The following BICDL2 variants were observed in gnomAD, a reference collection of about 807,000 sequenced individuals.
BICDL2 encodes BICD family like cargo adaptor 2, also known as BICD family-like cargo adapter 2.
In BICDL2, 62 loss-of-function variants were observed where a neutral mutation model predicts 56.6. That is an observed-to-expected ratio of 1.10 (90% CI 0.89 to 1.35). The LOEUF is 1.35. Ranked by LOEUF, BICDL2 falls within the 40% of genes most tolerant of loss-of-function variation. The pLI, the probability that BICDL2 is intolerant of heterozygous loss-of-function variation, is 0.00. For missense variants in BICDL2, 808 were observed against 684.5 expected, an observed-to-expected ratio of 1.18 and a Z score of -2.01; for synonymous variants, 358 against 319.8, an observed-to-expected ratio of 1.12 and a Z score of -1.27.
rs1430804394 is a variant in BICDL2 at position 3,029,714 on chromosome 16, C to G, written c.788G>C (p.Gly263Ala). The change falls in exon 6 of 10, where the codon GGG becomes GCG. Residue 263 changes from glycine to alanine, a missense_variant. Physicochemically the swap from Gly to Ala is moderately conservative, Grantham distance 60. Coordinates refer to ENST00000572449, the MANE Select transcript of BICDL2 (RefSeq NM_001369667.1). ...LELERARSEA[G>A]EALSALRRLQ... ...CCTCCGCAGCGCACTCAGCGCCTCC[C>G]CAGCCTCTGACCGTGCGCGTTCCAG... The G allele has an allele frequency of 2.6e-6, 4 of 1,540,232 alleles. No individual in the cohort carries two copies. The highest frequency in any genetic ancestry group is 4.9e-5 in the East Asian group (2 of 41,202).
In BICDL2 at chr16:3,034,637, CT is replaced by C. The variant is rs1209921131; in HGVS notation, c.282+577del. 2.8e-5 allele frequency among the ~76,000 whole-genome samples: 4 copies of C among 145,420 alleles called. No individual in the cohort carries two copies. In the South Asian group the frequency reaches 6.6e-4, roughly 24 times the overall value. On this transcript the variant is annotated intron_variant, in intron 2 of 9. Transcript: ENST00000572449. ...GCCTTTTTTCCTTTCCTTTCCTTTCCTTTTTTTCTTTTCTTTCTCTCTCCTT... is the reference window on the plus strand; with the variant it reads ...GCCTTTTTTCCTTTCCTTTCCTTTCCTTTTTTCTTTTCTTTCTCTCTCCTT...
rs759272475 is a variant in BICDL2, at chr16:3,030,926, C to T, written c.498+9G>A. On this transcript the variant is annotated intron_variant, in intron 3 of 9. Coordinates refer to ENST00000572449, the MANE Select transcript of BICDL2 (RefSeq NM_001369667.1). The stretch of plus-strand genomic sequence containing the variant: ...CTTGTCCAGGGCCCTGGGGTCAGGG[C>T]CATCCCACCTGAGCCAGCTGCTGGC... 2.1e-5 allele frequency: 32 copies of T among 1,545,860 alleles called. No homozygotes were observed. The South Asian group carries it at 3.7e-4, about 18-fold the overall frequency.
At chr16:3,035,193 A>ACCCCCCCCCCCCCCCCCCCCCCCCC in intron 2 of BICDL2, 22 bp downstream of exon 2, 1 of 69,910 alleles carries the variant, frequency 1.4e-5, no homozygotes, top group Non-Finnish European at 2.4e-5. Flanking sequence ...CCACCCACCC[A>ACCCCCCCCCCCCCCCCCCCCCCCCC]CCCCGTCCAG....
At chr16:3,028,974 C>T (rs553583417) in intron 7 of BICDL2, 144 bp from the exon 8 acceptor site, 4 of 1,137,534 alleles carry the variant, frequency 3.5e-6, no homozygotes, top group Admixed American at 2.6e-5. Context: ...CTGGAGACTC[C>T]GATATGAGCC....
Position 3,035,457 on chromosome 16 carries a change from G to A in BICDL2, c.40C>T (p.Leu14Phe), listed in dbSNP as rs200256902. 379 of 1,611,966 alleles carry A rather than the reference G, an allele frequency of 2.4e-4. 5 individuals are homozygous for A. The African/African-American group carries it at 4.2e-3, about 18-fold the overall frequency. ...PDGPSFPSGP[L>F]SGGASPSGDE... is the part of the protein sequence containing the mutation. ...CCGCTGGGAGAGGCGCCCCCTGAGA[G>A]CGGCCCGGACGGGAAGCTGGGCCCA... is the stretch of plus-strand genomic sequence containing the variant. The change falls in exon 2 of 10, where the codon CTC becomes TTC. Residue 14 changes from leucine to phenylalanine, a missense_variant. Coordinates refer to ENST00000572449, the MANE Select transcript of BICDL2 (RefSeq NM_001369667.1).
Position 3,027,704 on chromosome 16 carries a change from ATTT to A in BICDL2, c.*399_*401del. The A allele has an allele frequency of 2.2e-6, 3 of 1,384,310 alleles. No individual in the cohort carries two copies. The highest frequency in any genetic ancestry group is 2.8e-6 in the Non-Finnish European group (3 of 1,062,948). The allele number at this position is 1,384,310 out of a possible 1,614,324, so 85.8% of individuals were successfully genotyped here. ...AGCTCAGGGTTTTAGAGTGTTTTTC[ATTT>A]TCTTTTTTTTTTTTTTTTTACAATA... is the stretch of plus-strand genomic sequence containing the variant. On this transcript the variant is annotated 3_prime_UTR_variant, in exon 10 of 10. Transcript: ENST00000572449.
At position 3,035,544 on chromosome 16, in the gene BICDL2, C is replaced by G; in HGVS notation, c.-30-18G>C. On this transcript the variant is annotated intron_variant, in intron 1 of 9. Coordinates refer to ENST00000572449, the MANE Select transcript of BICDL2 (RefSeq NM_001369667.1). ...ACAGGTGGCTGCGGGACACTCTACT[C>G]TGCAGCCTGACAGGGGCTCACCCTC... The G allele has an allele frequency of 6.4e-7, 1 of 1,555,082 alleles. No individual in the cohort carries two copies. Among genetic ancestry groups the G allele is most frequent in the Non-Finnish European group, 8.7e-7 (1 of 1,153,500 alleles).
At position 3,028,415 on chromosome 16, in the gene BICDL2, A is replaced by T. The variant is rs757560316; in HGVS notation, c.1292T>A (p.Leu431Gln). 1 of 1,558,054 alleles carries T rather than the reference A, an allele frequency of 6.4e-7. No individual in the cohort carries two copies. The highest frequency in any genetic ancestry group is 1.9e-5 in the Admixed American group (1 of 53,076). Residue 431 changes from leucine (L) to glutamine (Q), a missense_variant, in exon 9 of 10, where the codon CTG becomes CAG. Transcript: ENST00000572449. ...LNRVSLERDS[L>Q]SRELLRAIRQ... is the part of the protein sequence containing the mutation. Reference sequence around the variant, plus strand: ...GATGGCGCGCAGCAGCTCCCGAGACAGGGAGTCTCGCTCCAGCGAGACGCG... The same window carrying T: ...GATGGCGCGCAGCAGCTCCCGAGACTGGGAGTCTCGCTCCAGCGAGACGCG...
At chr16:3,036,390 G>T in intron 1 of BICDL2, 1 of 452,550 alleles carries the variant, frequency 2.2e-6, no homozygotes, top group Non-Finnish European at 4.4e-6. Context: ...TGGGGTTCAG[G>T]GGCTCGGGTC....
Position 3,030,818 on chromosome 16 carries a change from G to C in BICDL2, c.499-6C>G, listed in dbSNP as rs762485246. ...TCCTGCTCAGTCTGGGAGGCCTGGG[G>C]AGGTGGAAAGAGGGACAGAGGAGCC... On this transcript the variant is annotated splice_polypyrimidine_tract_variant and splice_region_variant and intron_variant, in intron 3 of 9. Transcript: ENST00000572449. 9 of 1,600,120 alleles carry C rather than the reference G, an allele frequency of 5.6e-6. No individual in the cohort carries two copies. The highest frequency in any genetic ancestry group is 3.3e-4 in the Middle Eastern group (2 of 6,050).
chr16:3,029,594 A>G lies in BICDL2; in HGVS notation c.908T>C (p.Leu303Pro). 1 of 1,543,598 alleles carries G rather than the reference A, an allele frequency of 6.5e-7. No homozygotes were observed. Among genetic ancestry groups the G allele is most frequent in the Non-Finnish European group, 8.7e-7 (1 of 1,148,338 alleles). The stretch of plus-strand genomic sequence containing the variant: ...GCCCTGGCCCTGGTCGCCGTCGTCG[A>G]GGCTGTGGGCCAGTTCTGACTGCAA... ...ASLQSELAHS[L>P]DDGDQGQGAD... is the part of the protein sequence containing the mutation. The change falls in exon 6 of 10, where the codon CTC becomes CCC. Residue 303 changes from leucine (L) to proline (P), a missense_variant. By Grantham distance (98) the Leu-to-Pro change is moderately conservative. Coordinates refer to ENST00000572449, the MANE Select transcript of BICDL2 (RefSeq NM_001369667.1).
At chr16:3,034,723 T>TC (rs1955706208) in intron 2 of BICDL2, among the ~76,000 whole-genome samples, 1 of 149,848 alleles carries the variant, frequency 6.7e-6, no homozygotes, top group South Asian at 2.2e-4. Flanking sequence ...TTTTTTTTTT[T>TC]CAGGATCTCA....
Position 3,027,923 on chromosome 16 carries a change from C to A in BICDL2, c.*183G>T. 1.0e-6 allele frequency: 1 copy of A among 972,892 alleles called. No individual in the cohort carries two copies. The highest frequency in any genetic ancestry group is 1.4e-6 in the Non-Finnish European group (1 of 698,300). The allele number at this position is 972,892 out of a possible 1,614,324, so 60.3% of individuals were successfully genotyped here. On this transcript the variant is annotated 3_prime_UTR_variant, in exon 10 of 10. Transcript: ENST00000572449. Reference sequence around the variant, plus strand: ...TGCCCCTGCCACCCACCTGGAGCTCCTGCCCCACAAAGCTGGCCCCTGCTC... The same window carrying A: ...TGCCCCTGCCACCCACCTGGAGCTCATGCCCCACAAAGCTGGCCCCTGCTC...
intron 5 of BICDL2, 147 bp from the exon 6 acceptor site, chr16:3,029,886 C>T (rs1596481995): frequency 2.6e-5 from 17 of 660,816 alleles, no homozygotes; most frequent in East Asian, 2.2e-4. Flanking sequence ...CGCTGGGCGC[C>T]TTGGGCCGTG....
intron 1 of BICDL2, chr16:3,035,863 C>G (rs1242529517): frequency 3.1e-6 from 1 of 324,866 alleles, no homozygotes; most frequent in African/African-American, 2.2e-5. Flanking sequence ...GCTTGTAGCC[C>G]CTCGCCATCT....
chr16:3,030,163 G>C (rs922696952), intron 5 of BICDL2: 1 of 484,950 alleles, frequency 2.1e-6, no homozygotes, highest in Non-Finnish European at 3.6e-6. Flanking sequence ...CTTTTTCTCC[G>C]TCTCCATTGC....
intron 2 of BICDL2, chr16:3,034,948 G>T: frequency 2.1e-6 from 1 of 475,126 alleles, no homozygotes. Context: ...CTGGGCTAGT[G>T]ATCTTCCTGC....
chr16:3,032,520 G>A (rs1029526339), intron 2 of BICDL2: 2 of 152,246 alleles, frequency 1.3e-5, no homozygotes, highest in Admixed American at 6.5e-5. Context: ...GCAGCTTAGA[G>A]TCCAGAGGGC....
At chr16:3,035,177 G>GACCCC in intron 2 of BICDL2, 38 bp downstream of exon 2, 1 of 118,826 alleles carries the variant, frequency 8.4e-6, no homozygotes, top group Non-Finnish European at 1.6e-5. Context: ...GTCCTCCCCT[G>GACCCC]CCCACCCACC....
Sources: gnomAD v4.1 joint callset for allele counts (sites outside exome capture counted in the v4.1 genomes callset) on GRCh38, gnomAD v4.1.1 for gene constraint, MANE v1.5 for transcripts, NCBI Gene and HGNC (gene_info 2026-07-23, HGNC 2026-07-21) for gene names.